The following UST variants were observed in gnomAD, a reference collection of about 807,000 sequenced individuals.
UST encodes uronyl 2-sulfotransferase, also known as chondroitin sulfate 2-O-sulfotransferase.
Under a neutral mutation model 45.6 loss-of-function variants are expected in UST, and 21 were observed. The ratio of observed to expected loss-of-function variants is 0.46; its 90% confidence interval spans 0.33 to 0.66. The LOEUF (loss-of-function observed/expected upper bound fraction) is 0.66. UST is among the 30% of genes least tolerant of loss of function. The pLI is 0.02. For missense variants in UST, 463 were observed against 512.4 expected (o/e 0.90, Z 0.93); for synonymous variants, 215 against 200.6 (o/e 1.07, Z -0.61).
chr6:148,770,913 A>G (rs575132212), intron 1 of UST, among the ~76,000 whole-genome samples: 11 of 152,278 alleles, frequency 7.2e-5, no homozygotes, highest in African/African-American at 2.6e-4. Context: ...CCAACTTTTT[A>G]AATGAGATTT....
chr6:148,957,497 C>T (rs1780540125), intron 4 of UST, among the ~76,000 whole-genome samples: 1 of 152,152 alleles, frequency 6.6e-6, no homozygotes, highest in African/African-American at 2.4e-5. Flanking sequence ...GGCTGGAGTG[C>T]AGCGGTGCAA....
chr6:148,967,027 C>T (rs1338799146), intron 5 of UST, among the ~76,000 whole-genome samples: 2 of 152,120 alleles, frequency 1.3e-5, no homozygotes, highest in Non-Finnish European at 2.9e-5. Context: ...TGTGAGCCAC[C>T]GTGCCCAGCC....
intron 5 of UST, among the ~76,000 whole-genome samples, chr6:149,008,668 G>T (rs1413749653): frequency 6.6e-6 from 1 of 152,188 alleles, no homozygotes; most frequent in Non-Finnish European, 1.5e-5. Context: ...GGAAATGCCA[G>T]GGACGATGGA....
chr6:148,834,581 A>C (rs1317069900), intron 1 of UST, among the ~76,000 whole-genome samples: 1 of 152,170 alleles, frequency 6.6e-6, no homozygotes, highest in African/African-American at 2.4e-5. Context: ...CAAAAAATAG[A>C]AAAAGTAGCC....
At chr6:148,825,792 T>TG (rs1348003043) in intron 1 of UST, among the ~76,000 whole-genome samples, 3 of 151,994 alleles carry the variant, frequency 2.0e-5, no homozygotes, top group African/African-American at 7.2e-5. Flanking sequence ...TTTCCCATGG[T>TG]GGGGGGAGGA....
intron 1 of UST, among the ~76,000 whole-genome samples, chr6:148,791,388 A>T (rs1430520540): frequency 6.6e-6 from 1 of 152,196 alleles, no homozygotes; most frequent in Non-Finnish European, 1.5e-5. Flanking sequence ...GTTTTAGACA[A>T]TCTTCCGTAT....
intron 5 of UST, among the ~76,000 whole-genome samples, chr6:148,973,545 C>G (rs1367138532): frequency 6.6e-6 from 1 of 152,160 alleles, no homozygotes; most frequent in Non-Finnish European, 1.5e-5. Context: ...AGTCAGAGGT[C>G]TTGCTATTGA....
chr6:148,805,846 T>C (rs1439149894), intron 1 of UST, among the ~76,000 whole-genome samples: 1 of 152,234 alleles, frequency 6.6e-6, no homozygotes, highest in East Asian at 1.9e-4. Flanking sequence ...CTTCAAAACA[T>C]TTTTCACATT....
chr6:149,048,190 G>A (rs1173439434), intron 7 of UST, among the ~76,000 whole-genome samples: 2 of 151,588 alleles, frequency 1.3e-5, no homozygotes. Context: ...TTTTTGGGGG[G>A]ATGGGGTTTT....
intron 1 of UST, among the ~76,000 whole-genome samples, chr6:148,810,809 A>G (rs778965367): frequency 3.9e-5 from 6 of 152,214 alleles, no homozygotes; most frequent in South Asian, 2.1e-4. Context: ...TGTTAAAACT[A>G]CTTCTCAAAT....
At chr6:148,808,045 G>A (rs1363173559) in intron 1 of UST, among the ~76,000 whole-genome samples, 2 of 152,200 alleles carry the variant, frequency 1.3e-5, no homozygotes, top group African/African-American at 4.8e-5. Flanking sequence ...AGGCAGGGCT[G>A]GGGCTGGTTG....
At chr6:149,030,211 G>C (rs553058762) in intron 7 of UST, among the ~76,000 whole-genome samples, 2 of 152,004 alleles carry the variant, frequency 1.3e-5, no homozygotes, top group Non-Finnish European at 2.9e-5. Flanking sequence ...TGACATTCAC[G>C]CTTCTGTCCC....
At chr6:148,982,211 G>A (rs1165693677) in intron 5 of UST, among the ~76,000 whole-genome samples, 2 of 151,402 alleles carry the variant, frequency 1.3e-5, no homozygotes, top group Non-Finnish European at 2.9e-5. Flanking sequence ...TGATTCTCCT[G>A]CCTCAGCCCT....
At chr6:149,044,156 T>A (rs964392180) in intron 7 of UST, among the ~76,000 whole-genome samples, 2 of 152,248 alleles carry the variant, frequency 1.3e-5, no homozygotes, top group Non-Finnish European at 2.9e-5. Context: ...TTGGTTTTAA[T>A]GGTTCAGAGT....
At chr6:149,044,566 T>G (rs1038780800) in intron 7 of UST, among the ~76,000 whole-genome samples, 1 of 152,170 alleles carries the variant, frequency 6.6e-6, no homozygotes, top group Non-Finnish European at 1.5e-5. Context: ...GGTGGGAATG[T>G]TATTCAGATA....
At chr6:149,011,511 T>C (rs1354349967) in intron 5 of UST, among the ~76,000 whole-genome samples, 1 of 152,174 alleles carries the variant, frequency 6.6e-6, no homozygotes, top group East Asian at 1.9e-4. Flanking sequence ...TTTGAGGTGA[T>C]AGATAACCCC....
chr6:148,802,032 T>C (rs577663187), intron 1 of UST, among the ~76,000 whole-genome samples: 1 of 152,342 alleles, frequency 6.6e-6, no homozygotes, highest in East Asian at 1.9e-4. Context: ...ACCCTTAATA[T>C]ACTGAAAAGT....
At position 148,805,271 on chromosome 6, in the gene UST, C is replaced by T. The variant is rs549997774; in HGVS notation, c.247+57594C>T. Among the ~76,000 whole-genome samples the T allele has an allele frequency of 2.2e-4, 33 of 152,180 alleles. 1 individual carries two copies. In the South Asian group the frequency reaches 5.0e-3, roughly 23 times the overall value. ...GTAAATGTCCTCAAGGGATTCTGAA[C>T]GAGAAATATTTCACTGTTTGTTACG... On this transcript the variant is annotated intron_variant, in intron 1 of 7. Coordinates refer to ENST00000367463, the MANE Select transcript of UST (RefSeq NM_005715.3).
chr6:148,933,494 A>G (rs962894094), intron 2 of UST, among the ~76,000 whole-genome samples: 3 of 152,226 alleles, frequency 2.0e-5, no homozygotes, highest in Non-Finnish European at 4.4e-5. Flanking sequence ...CAGATTTGGC[A>G]TAGCTCTTGG....
Sources: gnomAD v4.1 joint callset for allele counts (sites outside exome capture counted in the v4.1 genomes callset) on GRCh38, gnomAD v4.1.1 for gene constraint, MANE v1.5 for transcripts, NCBI Gene and HGNC (gene_info 2026-07-23, HGNC 2026-07-21) for gene names.